The following PCDH17 variants were observed in gnomAD, a reference collection of about 807,000 sequenced individuals.
The protein encoded by PCDH17 is protocadherin-17.
A neutral mutation model predicts 67.7 loss-of-function variants in PCDH17; 21 were observed. That is an observed-to-expected ratio of 0.31 (90% confidence interval 0.22 to 0.45). PCDH17 has a LOEUF of 0.45. Ranked by LOEUF, PCDH17 falls within the 20% of genes least tolerant of loss-of-function variation. The pLI is 1.00. For synonymous variants in PCDH17, 701 were observed against 656.7 expected, an observed-to-expected ratio of 1.07 and a Z score of -1.03; for missense variants, 1,471 against 1,564.8, an observed-to-expected ratio of 0.94 and a Z score of 1.01.
At position 57,634,828 on chromosome 13, in the gene PCDH17, A is replaced by C. The variant is rs757825859; in HGVS notation, c.2282A>C (p.Lys761Thr). The part of the protein sequence containing the change: ...QLGGGKGKKK[K>T]INKNDIMLVQ... ...GGTGGGGGCAAGGGCAAGAAGAAGA[A>C]GATCAACAAAAATGATATCATGCTG... The change falls in exon 1 of 4, where the codon AAG becomes ACG. Residue 761 changes from lysine to threonine, a missense_variant. Lys to Thr is a moderately conservative substitution (Grantham distance 78). Around this residue, in one of 3 missense-constraint regions of PCDH17, gnomAD observed 1,163 missense variants for 1,230.0 expected, o/e 0.95. Coordinates refer to ENST00000377918, the MANE Select transcript of PCDH17 (RefSeq NM_001040429.3). This position sits in a 1 kb window ranked among gnomAD's most constrained non-coding sequence, Gnocchi z 7.8. 1 of 1,614,112 alleles carries C rather than the reference A, an allele frequency of 6.2e-7. No individual in the cohort carries two copies. The highest frequency in any genetic ancestry group is 8.5e-7 in the Non-Finnish European group (1 of 1,180,020).
At chr13:57,709,649 A>C (rs1955757329) in intron 3 of PCDH17, 1 of 152,144 alleles carries the variant, frequency 6.6e-6, no homozygotes, top group African/African-American at 2.4e-5. Context: ...TTGTTAACTA[A>C]AAATATTTTA....
rs74238731 is a variant in PCDH17, at chr13:57,722,355, T to C, written c.2798-2257T>C. On this transcript the variant is annotated intron_variant, in intron 3 of 3. Transcript: ENST00000377918. ...TATTTCAAAGACAGTGTATGAGTTA[T>C]AAATGAATTTTTTAAAAAATTTCAT... Among the ~76,000 whole-genome samples, 68 of 152,324 alleles carry C rather than the reference T, an allele frequency of 4.5e-4. No homozygotes were observed. In the East Asian group the frequency reaches 0.012, roughly 27 times the overall value.
Position 57,634,225 on chromosome 13 carries a change from C to T in PCDH17, c.1679C>T (p.Pro560Leu). 5 of 1,613,302 alleles carry T rather than the reference C, an allele frequency of 3.1e-6. No individual in the cohort carries two copies. Among genetic ancestry groups the T allele is most frequent in the Non-Finnish European group, 4.2e-6 (5 of 1,180,036 alleles). ...GTGCTTGCTAAGGACTCGGGGGCGCCCGCGCACTTGGAGAGCAACGCCACG... is the reference window on the plus strand; with the variant it reads ...GTGCTTGCTAAGGACTCGGGGGCGCTCGCGCACTTGGAGAGCAACGCCACG... ...FKVLAKDSGA[P>L]AHLESNATVR... Residue 560 changes from proline (P) to leucine (L), a missense_variant, in exon 1 of 4, where the codon CCC becomes CTC. Transcript: ENST00000377918. This position sits in a 1 kb window ranked among gnomAD's most constrained non-coding sequence, Gnocchi z 7.8.
chr13:57,632,948 G>C lies in PCDH17; in HGVS notation c.402G>C (p.Ser134=), dbSNP rs373929628. 3.7e-6 allele frequency: 6 copies of C among 1,613,844 alleles called. No homozygotes were observed. The African/African-American group carries it at 8.0e-5, about 22-fold the overall frequency. Residue 134 remains serine (S), a synonymous_variant, in exon 1 of 4, where the codon TCG becomes TCC. Coordinates refer to ENST00000377918, the MANE Select transcript of PCDH17 (RefSeq NM_001040429.3). ...DINDNAPSFS[S]DQIEMDISEN... is the part of the protein sequence containing the mutation. ...ACGACAACGCGCCCTCCTTCTCCTC[G>C]GACCAGATCGAAATGGACATCTCGG...
At chr13:57,684,954 C>A (rs1256210493) in intron 3 of PCDH17, among the ~76,000 whole-genome samples, 1 of 151,876 alleles carries the variant, frequency 6.6e-6, no homozygotes, top group African/African-American at 2.4e-5. Context: ...TCAAACTACT[C>A]AAATTCAGCT....
In PCDH17 at chr13:57,634,397, C is replaced by G; in HGVS notation, c.1851C>G (p.Phe617Leu). 3.1e-6 allele frequency: 5 copies of G among 1,612,720 alleles called. No individual in the cohort carries two copies. Among genetic ancestry groups the G allele is most frequent in the South Asian group, 1.1e-5 (1 of 91,084 alleles). ...CTGTGCGCGCCCTAGACAGCGACTT[C>G]GGCGAGAGCGGGCGTCTCACCTACG... ...VSTVRALDSD[F>L]GESGRLTYEI... The change falls in exon 1 of 4, where the codon TTC becomes TTG. Residue 617 changes from phenylalanine to leucine, a missense_variant. Transcript: ENST00000377918. The surrounding 1 kb of genome is among the most constrained non-coding windows in gnomAD (Gnocchi z 7.8).
At chr13:57,687,901 C>T (rs1159959458) in intron 3 of PCDH17, among the ~76,000 whole-genome samples, 1 of 151,954 alleles carries the variant, frequency 6.6e-6, no homozygotes, top group African/African-American at 2.4e-5. Flanking sequence ...GCAGATTGTC[C>T]TCCACCTTCA....
chr13:57,647,768 C>G (rs1954982846), intron 1 of PCDH17, among the ~76,000 whole-genome samples: 1 of 151,676 alleles, frequency 6.6e-6, no homozygotes, highest in Non-Finnish European at 1.5e-5. Flanking sequence ...TAAACTTCTC[C>G]ACATGATTTC....
chr13:57,661,301 AT>A, intron 1 of PCDH17, among the ~76,000 whole-genome samples: 1 of 152,184 alleles, frequency 6.6e-6, no homozygotes, highest in South Asian at 2.1e-4. Context: ...AATATATTCT[AT>A]ATGATTTAGT....
In PCDH17 at chr13:57,725,659, A is replaced by T. The variant is rs1206568537; in HGVS notation, c.*365A>T. 1.1e-5 allele frequency: 2 copies of T among 183,022 alleles called. No individual in the cohort carries two copies. Among genetic ancestry groups the T allele is most frequent in the Non-Finnish European group, 2.3e-5 (2 of 86,612 alleles). The allele number at this position is 183,022 out of a possible 1,614,324, so 11.3% of individuals were successfully genotyped here. A position where few individuals can be genotyped will look rare whatever the true frequency, so the allele number is the denominator to read the frequency against. On this transcript the variant is annotated 3_prime_UTR_variant, in exon 4 of 4. Coordinates refer to ENST00000377918, the MANE Select transcript of PCDH17 (RefSeq NM_001040429.3). Reference sequence around the variant, plus strand: ...AACTGAAGTATTTCTGATCACTCTCAGACTGTCCTCCGTGATTTATGCTGA... The same window carrying T: ...AACTGAAGTATTTCTGATCACTCTCTGACTGTCCTCCGTGATTTATGCTGA...
intron 3 of PCDH17, among the ~76,000 whole-genome samples, chr13:57,667,694 A>C (rs1955271024): frequency 6.6e-6 from 1 of 151,494 alleles, no homozygotes; most frequent in Non-Finnish European, 1.5e-5. Flanking sequence ...AAAATATGTG[A>C]ACCTAACCTC....
chr13:57,722,383 T>C (rs139142898), intron 3 of PCDH17, among the ~76,000 whole-genome samples: 1 of 152,188 alleles, frequency 6.6e-6, no homozygotes, highest in Admixed American at 6.6e-5. Flanking sequence ...AATTTCATGA[T>C]GCTAGAAGAT....
chr13:57,636,213 A>G (rs1194608591), intron 1 of PCDH17, among the ~76,000 whole-genome samples: 1 of 152,186 alleles, frequency 6.6e-6, no homozygotes, highest in Non-Finnish European at 1.5e-5. Flanking sequence ...CTTGCTTATT[A>G]TAATTGTATG....
At chr13:57,699,302 A>T (rs1488854831) in intron 3 of PCDH17, among the ~76,000 whole-genome samples, 1 of 152,008 alleles carries the variant, frequency 6.6e-6, no homozygotes, top group Non-Finnish European at 1.5e-5. Flanking sequence ...TCCCCAAATT[A>T]AAAAAAGGTG....
intron 1 of PCDH17, among the ~76,000 whole-genome samples, chr13:57,656,346 C>T (rs1472266177): frequency 1.3e-5 from 2 of 151,980 alleles, no homozygotes; most frequent in South Asian, 2.1e-4. Flanking sequence ...AATGTATTTT[C>T]GCTTATTAGC....
chr13:57,708,649 C>T (rs1955743478), intron 3 of PCDH17, among the ~76,000 whole-genome samples: 1 of 151,754 alleles, frequency 6.6e-6, no homozygotes, highest in Non-Finnish European at 1.5e-5. Context: ...ATCCCCAGGG[C>T]AACAGTGAGA....
intron 1 of PCDH17, among the ~76,000 whole-genome samples, chr13:57,645,708 T>C (rs1453994325): frequency 6.6e-6 from 1 of 151,034 alleles, no homozygotes; most frequent in Non-Finnish European, 1.5e-5. Context: ...GTATATATAA[T>C]ATATACACAC....
chr13:57,634,996 A>C lies in PCDH17; in HGVS notation c.2450A>C (p.Lys817Thr). 1.9e-6 allele frequency: 3 copies of C among 1,613,784 alleles called. No individual in the cohort carries two copies. Among genetic ancestry groups the C allele is most frequent in the Non-Finnish European group, 2.5e-6 (3 of 1,180,002 alleles). Reference protein sequence around the residue: ...SSPRSEVMYLKPASNNLTVPQ... With the variant: ...SSPRSEVMYLTPASNNLTVPQ... Reference sequence around the variant, plus strand: ...CCCCGGTCGGAGGTGATGTATCTCAAACCGGCCTCCAACAACCTGACTGTC... The same window carrying C: ...CCCCGGTCGGAGGTGATGTATCTCACACCGGCCTCCAACAACCTGACTGTC... The change falls in exon 1 of 4, where the codon AAA becomes ACA. Residue 817 changes from lysine to threonine, a missense_variant. Physicochemically the swap from Lys to Thr is moderately conservative, Grantham distance 78. Around this residue, in one of 3 missense-constraint regions of PCDH17, gnomAD observed 1,163 missense variants for 1,230.0 expected, o/e 0.95. Transcript: ENST00000377918. This position sits in a 1 kb window ranked among gnomAD's most constrained non-coding sequence, Gnocchi z 7.8.
In PCDH17 at chr13:57,633,653, C is replaced by T. The variant is rs1347949830; in HGVS notation, c.1107C>T (p.Thr369=). Residue 369 remains threonine (T), a synonymous_variant, in exon 1 of 4, where the codon ACC becomes ACT. Transcript: ENST00000377918. This position sits in a 1 kb window ranked among gnomAD's most constrained non-coding sequence, Gnocchi z 6.2. ...GALSEAAPPG[T]VIALVRVTDR... The stretch of plus-strand genomic sequence containing the variant: ...TGAGCGAGGCCGCCCCTCCCGGCAC[C>T]GTCATCGCCCTGGTGCGGGTCACTG... 6.2e-7 allele frequency: 1 copy of T among 1,607,506 alleles called. No individual in the cohort carries two copies. Among genetic ancestry groups the T allele is most frequent in the Admixed American group, 1.7e-5 (1 of 59,986 alleles).
Sources: gnomAD v4.1 joint callset for allele counts (sites outside exome capture counted in the v4.1 genomes callset) on GRCh38, gnomAD v4.1.1 for gene constraint, gnomAD v4.1.1 regional missense constraint, Gnocchi (gnomAD v3.1) non-coding constraint, MANE v1.5 for transcripts, NCBI Gene and HGNC (gene_info 2026-07-23, HGNC 2026-07-21) for gene names.